OSBPL6: variants seen among roughly 807,000 people sequenced by gnomAD.
OSBPL6 encodes oxysterol binding protein like 6.
A neutral mutation model predicts 125.8 loss-of-function variants in OSBPL6; 49 were observed. The ratio of observed to expected loss-of-function variants is 0.39; its 90% CI spans 0.31 to 0.49. The LOEUF is 0.49. Among genes scored for constraint, OSBPL6 ranks in the 20% least tolerant of loss-of-function variants. The pLI, the probability that OSBPL6 is intolerant of heterozygous loss-of-function variation, is 0.88. For synonymous variants in OSBPL6, 394 were observed against 391.8 expected (o/e 1.01, Z -0.07); for missense variants, 986 against 1,135.4 (o/e 0.87, Z 1.89).
At chr2:178,281,223 G>A (rs1328765958) in intron 1 of OSBPL6, among the ~76,000 whole-genome samples, 2 of 152,014 alleles carry the variant, frequency 1.3e-5, no homozygotes. Flanking sequence ...ACGTTGGCCA[G>A]TCTGATCTCA....
chr2:178,391,345 T>A, intron 22 of OSBPL6, 128 bp downstream of exon 22: 1 of 907,482 alleles, frequency 1.1e-6, no homozygotes, highest in East Asian at 2.8e-5. Context: ...GCGTAGATGC[T>A]TATGGCAATT....
intron 1 of OSBPL6, among the ~76,000 whole-genome samples, chr2:178,284,648 GAAATAT>G (rs1320793584): frequency 6.6e-6 from 1 of 152,156 alleles, no homozygotes; most frequent in Non-Finnish European, 1.5e-5. Context: ...CCCCTTTTAG[GAAATAT>G]TTGCTATATC....
At chr2:178,201,826 T>C (rs959931636) in intron 1 of OSBPL6, among the ~76,000 whole-genome samples, 2 of 152,250 alleles carry the variant, frequency 1.3e-5, no homozygotes, top group Admixed American at 6.5e-5. Context: ...GCATTTGTTT[T>C]CAACCTGAGA....
chr2:178,201,839 T>G (rs1172921856), intron 1 of OSBPL6, among the ~76,000 whole-genome samples: 1 of 152,216 alleles, frequency 6.6e-6, no homozygotes. Flanking sequence ...ACCTGAGAAG[T>G]GTGCCTGACA....
At chr2:178,294,718 T>C (rs934669897) in intron 2 of OSBPL6, among the ~76,000 whole-genome samples, 6 of 143,920 alleles carry the variant, frequency 4.2e-5, no homozygotes, top group African/African-American at 1.5e-4. Flanking sequence ...CCACAGCTAT[T>C]TTTTTTTTTT....
In OSBPL6 at chr2:178,396,049, C is replaced by G. The variant is rs992189772; in HGVS notation, c.*490C>G. 4.3e-6 allele frequency: 1 copy of G among 235,252 alleles called. No homozygotes were observed. The highest frequency in any genetic ancestry group is 2.2e-5 in the African/African-American group (1 of 44,452). The allele number at this position is 235,252 out of a possible 1,614,324, so 14.6% of individuals were successfully genotyped here. ...GTTTGATGTGGTGTGATTGTGCTGG[C>G]CTTGTCGAAAAAGATGTGATGCTTC... On this transcript the variant is annotated 3_prime_UTR_variant, in exon 25 of 25. Transcript: ENST00000190611.
intron 12 of OSBPL6, among the ~76,000 whole-genome samples, chr2:178,352,923 G>C (rs1164346934): frequency 6.6e-6 from 1 of 152,166 alleles, no homozygotes; most frequent in African/African-American, 2.4e-5. Flanking sequence ...TTGCTGTTCT[G>C]CAGCCTCCAC....
At chr2:178,356,764 A>C (rs966886846) in intron 12 of OSBPL6, among the ~76,000 whole-genome samples, 6 of 152,266 alleles carry the variant, frequency 3.9e-5, no homozygotes, top group Non-Finnish European at 8.8e-5. Context: ...GAAACAAAAA[A>C]GAGCCTACAT....
At chr2:178,366,550 C>A (rs1322737488) in intron 13 of OSBPL6, among the ~76,000 whole-genome samples, 1 of 152,136 alleles carries the variant, frequency 6.6e-6, no homozygotes, top group Non-Finnish European at 1.5e-5. Context: ...GTCAATTGAA[C>A]TGACACGGTG....
At chr2:178,238,202 T>C (rs2091140640) in intron 1 of OSBPL6, among the ~76,000 whole-genome samples, 1 of 152,190 alleles carries the variant, frequency 6.6e-6, no homozygotes, top group Non-Finnish European at 1.5e-5. Context: ...ATATGGAAAA[T>C]TCCAGAAATA....
chr2:178,386,474 AT>A (rs763636675), intron 19 of OSBPL6, among the ~76,000 whole-genome samples: 5 of 152,154 alleles, frequency 3.3e-5, no homozygotes, highest in Non-Finnish European at 7.4e-5. Flanking sequence ...TATAAATTTT[AT>A]TTTATCTGTA....
intron 2 of OSBPL6, among the ~76,000 whole-genome samples, chr2:178,290,939 TC>T (rs1298510025): frequency 2.6e-5 from 4 of 152,152 alleles, no homozygotes; most frequent in Admixed American, 2.6e-4. Context: ...GTATCTTTTT[TC>T]TTTTACATTG....
chr2:178,194,010 G>A (rs1448300608), upstream of OSBPL6, among the ~76,000 whole-genome samples: 1 of 152,216 alleles, frequency 6.6e-6, no homozygotes, highest in African/African-American at 2.4e-5. Flanking sequence ...AGCGGAGGCC[G>A]CCAGGCAGCC....
chr2:178,371,645 T>C (rs1693394771), intron 13 of OSBPL6, among the ~76,000 whole-genome samples: 1 of 152,186 alleles, frequency 6.6e-6, no homozygotes, highest in African/African-American at 2.4e-5. Flanking sequence ...CACACTAAAA[T>C]ATAATTCTAT....
chr2:178,220,986 A>T (rs2090315289), intron 1 of OSBPL6, among the ~76,000 whole-genome samples: 1 of 152,214 alleles, frequency 6.6e-6, no homozygotes, highest in South Asian at 2.1e-4. Flanking sequence ...TGTGTCCATT[A>T]AGCCAGGATC....
chr2:178,321,157 A>G (rs187778365), intron 3 of OSBPL6, among the ~76,000 whole-genome samples: 107 of 152,338 alleles, frequency 7.0e-4, no homozygotes, highest in Non-Finnish European at 1.3e-3. Context: ...CTCAAAAATA[A>G]TAATAATAAT....
chr2:178,245,209 C>G (rs995714490), intron 1 of OSBPL6, among the ~76,000 whole-genome samples: 21 of 152,214 alleles, frequency 1.4e-4, no homozygotes, highest in Non-Finnish European at 1.5e-5. Flanking sequence ...TAGATGCTTT[C>G]TCTAGACCCA....
intron 1 of OSBPL6, among the ~76,000 whole-genome samples, chr2:178,225,916 A>G (rs1452723430): frequency 6.6e-6 from 1 of 152,224 alleles, no homozygotes; most frequent in African/African-American, 2.4e-5. Context: ...ACACAGAGCC[A>G]AACCATATCA....
At chr2:178,267,976 G>A (rs180773889) in intron 1 of OSBPL6, among the ~76,000 whole-genome samples, 26 of 152,256 alleles carry the variant, frequency 1.7e-4, no homozygotes, top group Middle Eastern at 3.4e-3. Context: ...AGTGGTAGGT[G>A]TTGAGTAAAT....
Sources: allele counts gnomAD v4.1 joint callset (sites outside exome capture counted in the v4.1 genomes callset), GRCh38; gene constraint gnomAD v4.1.1; transcripts MANE v1.5; gene names NCBI Gene and HGNC (gene_info 2026-07-23, HGNC 2026-07-21).